DPYD: variants seen among roughly 807,000 people sequenced by gnomAD.
DPYD encodes the protein dihydropyrimidine dehydrogenase.
DPYD carries 109 observed loss-of-function variants against 116.2 expected under a neutral mutation model. The observed-to-expected ratio is 0.94, with a 90% CI of 0.80 to 1.10. The LOEUF is 1.10. Among genes scored for constraint, DPYD ranks in the 50% least tolerant of loss-of-function variants. The pLI, the probability that DPYD is intolerant of heterozygous loss-of-function variation, is 0.00. For synonymous variants in DPYD, 440 were observed against 432.0 expected (o/e 1.02, Z -0.23); for missense variants, 1,302 against 1,254.5 (o/e 1.04, Z -0.57).
At chr1:97,130,566 T>C (rs1653200672) in intron 20 of DPYD, among the ~76,000 whole-genome samples, 1 of 152,158 alleles carries the variant, frequency 6.6e-6, no homozygotes, top group Non-Finnish European at 1.5e-5. Context: ...ATGACTTACA[T>C]ACACATAGAT....
chr1:97,436,934 G>C (rs187646203), intron 14 of DPYD, among the ~76,000 whole-genome samples: 14 of 151,764 alleles, frequency 9.2e-5, no homozygotes, highest in South Asian at 8.3e-4. Flanking sequence ...TGCATTCCAG[G>C]AAAAGGGCTA....
intron 1 of DPYD, among the ~76,000 whole-genome samples, chr1:97,896,386 C>G (rs1191591940): frequency 6.6e-6 from 1 of 151,742 alleles, no homozygotes; most frequent in Non-Finnish European, 1.5e-5. Flanking sequence ...CTTCACTTTC[C>G]TACCACTACT....
In DPYD at chr1:97,877,080, C is replaced by T. The variant is rs561470451; in HGVS notation, c.150+6184G>A. The stretch of plus-strand genomic sequence containing the variant: ...AATGAAAGATGGAGAATCTGTGACT[C>T]GACAAACGAAGCCCTGGGAGAGTAG... On this transcript the variant is annotated intron_variant, in intron 2 of 22. Transcript: ENST00000370192. Among the ~76,000 whole-genome samples the T allele has an allele frequency of 7.2e-5, 11 of 152,034 alleles. No individual in the cohort carries two copies. In the East Asian group the frequency reaches 1.4e-3, roughly 19 times the overall value.
chr1:97,802,439 G>GT (rs1244269540), intron 3 of DPYD, among the ~76,000 whole-genome samples: 1 of 151,758 alleles, frequency 6.6e-6, no homozygotes, highest in Admixed American at 6.6e-5. Flanking sequence ...TTCTCACACT[G>GT]TTTTAGGGTC....
intron 11 of DPYD, among the ~76,000 whole-genome samples, chr1:97,550,672 A>G (rs1210918524): frequency 1.3e-5 from 2 of 152,180 alleles, no homozygotes; most frequent in African/African-American, 4.8e-5. Flanking sequence ...TAAGCACAGC[A>G]TCTCAGACAG....
intron 13 of DPYD, among the ~76,000 whole-genome samples, chr1:97,492,271 A>G (rs1284937875): frequency 6.6e-6 from 1 of 152,134 alleles, no homozygotes; most frequent in Non-Finnish European, 1.5e-5. Context: ...TTTTTTCCAT[A>G]AGGAGAAACA....
intron 16 of DPYD, among the ~76,000 whole-genome samples, chr1:97,313,816 A>G (rs762676685): frequency 6.6e-6 from 1 of 151,850 alleles, no homozygotes. Context: ...TTTTATAGTC[A>G]TCTTCTCTGT....
chr1:97,511,338 G>T (rs72973883), intron 13 of DPYD, among the ~76,000 whole-genome samples: 49 of 152,062 alleles, frequency 3.2e-4, no homozygotes, highest in African/African-American at 1.1e-3. Flanking sequence ...TGTGAATAAT[G>T]ATAACAACTA....
intron 20 of DPYD, among the ~76,000 whole-genome samples, chr1:97,134,052 T>G (rs180812739): frequency 2.6e-5 from 2 of 76,490 alleles, no homozygotes; most frequent in South Asian, 4.6e-4. Flanking sequence ...TATATATATA[T>G]ATATATATAT....
At chr1:97,464,046 C>G (rs1008193851) in intron 13 of DPYD, among the ~76,000 whole-genome samples, 1 of 151,974 alleles carries the variant, frequency 6.6e-6, no homozygotes, top group East Asian at 1.9e-4. Context: ...CAAGACCAGC[C>G]TGGTCAACAT....
At chr1:97,564,422 T>C (rs113516428) in intron 11 of DPYD, among the ~76,000 whole-genome samples, 89 of 152,308 alleles carry the variant, frequency 5.8e-4, no homozygotes, top group Non-Finnish European at 9.7e-4. Flanking sequence ...ATTTAAATGA[T>C]AGGCTACAAC....
At chr1:97,198,799 AC>A (rs1281483612) in intron 19 of DPYD, among the ~76,000 whole-genome samples, 5 of 152,162 alleles carry the variant, frequency 3.3e-5, no homozygotes, top group African/African-American at 1.2e-4. Flanking sequence ...GATCGTTGCC[AC>A]CATTAATTAT....
chr1:97,447,678 T>G (rs1676165798), intron 14 of DPYD, among the ~76,000 whole-genome samples: 1 of 152,046 alleles, frequency 6.6e-6, no homozygotes, highest in Non-Finnish European at 1.5e-5. Context: ...GTCTCTTCTT[T>G]CTACTCAACT....
chr1:97,481,227 A>G (rs1022092713), intron 13 of DPYD, among the ~76,000 whole-genome samples: 5 of 152,162 alleles, frequency 3.3e-5, no homozygotes, highest in African/African-American at 1.2e-4. Context: ...ACGAACCATG[A>G]GATGCCATTT....
intron 20 of DPYD, among the ~76,000 whole-genome samples, chr1:97,186,796 C>T (rs944496416): frequency 3.3e-5 from 5 of 151,870 alleles, no homozygotes; most frequent in South Asian, 2.1e-4. Context: ...TGCAGTGAGC[C>T]GAGAACGTGC....
intron 2 of DPYD, among the ~76,000 whole-genome samples, chr1:97,847,173 G>C (rs1189750735): frequency 6.6e-6 from 1 of 152,132 alleles, no homozygotes; most frequent in African/African-American, 2.4e-5. Context: ...CAAAATAACT[G>C]TCTTTCTTCC....
At chr1:97,530,291 C>T (rs1205019218) in intron 12 of DPYD, among the ~76,000 whole-genome samples, 3 of 146,212 alleles carry the variant, frequency 2.1e-5, no homozygotes, top group Non-Finnish European at 3.0e-5. Flanking sequence ...AATCTCAGCT[C>T]ACTGCAAACT....
At position 97,595,048 on chromosome 1, in the gene DPYD, A is replaced by G. The variant is rs773366599; in HGVS notation, c.958+11T>C. ...TACTCACTATTAAGCATAAAAGACA[A>G]TATGTTATACCTGCTTTACTGCCTT... is the stretch of plus-strand genomic sequence containing the variant. On this transcript the variant is annotated intron_variant, in intron 9 of 22. Transcript: ENST00000370192. The G allele has an allele frequency of 5.6e-6, 9 of 1,593,878 alleles. No homozygotes were observed. The African/African-American group carries it at 9.4e-5, about 17-fold the overall frequency.
At chr1:97,692,069 A>T (rs1268863506) in intron 6 of DPYD, among the ~76,000 whole-genome samples, 1 of 152,138 alleles carries the variant, frequency 6.6e-6, no homozygotes, top group Admixed American at 6.6e-5. Flanking sequence ...GCCAAAAGCA[A>T]TTTCAATACT....
Sources: allele counts gnomAD v4.1 joint callset (sites outside exome capture counted in the v4.1 genomes callset), GRCh38; gene constraint gnomAD v4.1.1; transcripts MANE v1.5; gene names NCBI Gene and HGNC (gene_info 2026-07-23, HGNC 2026-07-21).